NAPA: variants seen among roughly 807,000 people sequenced by gnomAD.
NAPA encodes alpha-soluble NSF attachment protein.
Under a neutral mutation model 48.0 loss-of-function variants are expected in NAPA, and 18 were observed. The ratio of observed to expected loss-of-function variants is 0.38; its 90% CI spans 0.26 to 0.56. NAPA has a LOEUF of 0.56. Among genes scored for constraint, NAPA ranks in the 20% least tolerant of loss-of-function variants. The pLI, the probability that NAPA is intolerant of heterozygous loss-of-function variation, is 0.77. For missense variants in NAPA, 315 were observed against 385.0 expected (o/e 0.82, Z 1.52); for synonymous variants, 152 against 149.9 (o/e 1.01, Z -0.10).
downstream of NAPA, among the ~76,000 whole-genome samples, chr19:47,487,016 G>A (rs1267875961): frequency 6.6e-6 from 1 of 152,178 alleles, no homozygotes; most frequent in African/African-American, 2.4e-5. Flanking sequence ...GGGGCCCTGC[G>A]CGGGGCAGGG....
downstream of NAPA, among the ~76,000 whole-genome samples, chr19:47,486,580 C>T (rs1177366060): frequency 1.3e-5 from 2 of 152,216 alleles, no homozygotes; most frequent in Non-Finnish European, 2.9e-5. Context: ...CGATTACAGG[C>T]ATGAGCCACA....
chr19:47,507,895 G>A (rs1286826128), intron 1 of NAPA, among the ~76,000 whole-genome samples: 2 of 152,196 alleles, frequency 1.3e-5, no homozygotes, highest in Non-Finnish European at 2.9e-5. Context: ...GGCTTGGAAA[G>A]AGGACTGGGG....
chr19:47,510,254 C>A (rs979758769), intron 1 of NAPA, among the ~76,000 whole-genome samples: 1 of 152,198 alleles, frequency 6.6e-6, no homozygotes, highest in Non-Finnish European at 1.5e-5. Context: ...CTGGGCAGGC[C>A]CTGTACAGAC....
At chr19:47,491,062 G>A in intron 8 of NAPA, 2 of 506,038 alleles carry the variant, frequency 4.0e-6, no homozygotes, top group Non-Finnish European at 7.1e-6. Context: ...AGAGATGGCT[G>A]CAGGGAGAGG....
intron 1 of NAPA, among the ~76,000 whole-genome samples, chr19:47,513,189 C>G (rs1268058102): frequency 6.6e-6 from 1 of 152,216 alleles, no homozygotes; most frequent in Non-Finnish European, 1.5e-5. Flanking sequence ...ATGCTCCTCT[C>G]AACCCTACTA....
chr19:47,486,521 G>A (rs977424119), downstream of NAPA, among the ~76,000 whole-genome samples: 2 of 152,040 alleles, frequency 1.3e-5, no homozygotes, highest in Non-Finnish European at 2.9e-5. Context: ...GGCTGCTCTC[G>A]AACTCTTGAC....
chr19:47,500,012 C>G (rs1397145335), intron 3 of NAPA, among the ~76,000 whole-genome samples: 1 of 152,258 alleles, frequency 6.6e-6, no homozygotes, highest in African/African-American at 2.4e-5. Context: ...TGCAAGCAAA[C>G]ACTGGGCTGG....
chr19:47,505,224 C>T (rs1227622823), intron 1 of NAPA: 2 of 152,158 alleles, frequency 1.3e-5, no homozygotes, highest in African/African-American at 4.8e-5. Flanking sequence ...ACTGGCATAA[C>T]TAGTGTTTAG....
Position 47,504,220 on chromosome 19 carries a change from C to G in NAPA, c.99-718G>C, listed in dbSNP as rs767348582. ...ACCAGCCTGGGCCACACGGCAAAACCCCAACTCTACAAAAAATACAAAAAA... is the reference window on the plus strand; with the variant it reads ...ACCAGCCTGGGCCACACGGCAAAACGCCAACTCTACAAAAAATACAAAAAA... On this transcript the variant is annotated intron_variant, in intron 1 of 10. Coordinates refer to ENST00000263354, the MANE Select transcript of NAPA (RefSeq NM_003827.4). Among the ~76,000 whole-genome samples the G allele has an allele frequency of 2.0e-5, 3 of 151,754 alleles. No homozygotes were observed. The East Asian group carries it at 5.8e-4, about 29-fold the overall frequency.
chr19:47,504,397 C>CAAAAAAAA (rs11367620), intron 1 of NAPA, among the ~76,000 whole-genome samples: 7 of 57,188 alleles, frequency 1.2e-4, no homozygotes, highest in African/African-American at 1.9e-4. Flanking sequence ...GACCTTGTCT[C>CAAAAAAAA]AAAAAAAAAA....
chr19:47,496,916 T>C (rs1238331537), intron 3 of NAPA: 1 of 452,178 alleles, frequency 2.2e-6, no homozygotes, highest in Non-Finnish European at 4.5e-6. Flanking sequence ...TAAAAGGGAC[T>C]GAGAGAAGGT....
intron 2 of NAPA, among the ~76,000 whole-genome samples, chr19:47,502,237 CAAAAAAAAAAAAAA>C (rs55762206): frequency 3.2e-5 from 2 of 62,462 alleles, no homozygotes; most frequent in Admixed American, 2.4e-4. Flanking sequence ...AAGACTGTCT[CAAAAAAAAAAAAAA>C]AAAAAAAAAA....
At chr19:47,511,693 C>A (rs1968807426) in intron 1 of NAPA, among the ~76,000 whole-genome samples, 1 of 152,210 alleles carries the variant, frequency 6.6e-6, no homozygotes, top group Non-Finnish European at 1.5e-5. Flanking sequence ...TACTGTGGGG[C>A]TGGGCAAATA....
chr19:47,500,863 C>G, intron 2 of NAPA, 114 bp from the exon 3 acceptor site: 1 of 751,734 alleles, frequency 1.3e-6, no homozygotes, highest in Non-Finnish European at 2.1e-6. Flanking sequence ...GAAAGAGTCC[C>G]CAAGACAGGA....
chr19:47,501,193 C>T (rs1028483101), intron 2 of NAPA, among the ~76,000 whole-genome samples: 4 of 152,134 alleles, frequency 2.6e-5, no homozygotes, highest in Admixed American at 2.6e-4. Flanking sequence ...CCTCCTGCAC[C>T]TCCCGGCCTG....
Position 47,490,733 on chromosome 19 carries a change from C to G in NAPA, c.735+55G>C. 3 of 1,532,232 alleles carry G rather than the reference C, an allele frequency of 2.0e-6. No homozygotes were observed. In the South Asian group the frequency reaches 3.5e-5, roughly 18 times the overall value. 94.9% of individuals were successfully genotyped at this position (1,532,232 alleles called of 1,614,324 possible). ...TTGGCGATTGTCCCACCTGGAGCCC[C>G]AGCCACCCCCGTCTGAGGTTCGGGA... is the stretch of plus-strand genomic sequence containing the variant. On this transcript the variant is annotated intron_variant, in intron 9 of 10. Transcript: ENST00000263354.
At chr19:47,495,327 C>T in intron 4 of NAPA, 1 of 597,296 alleles carries the variant, frequency 1.7e-6, no homozygotes, top group Non-Finnish European at 3.0e-6. Flanking sequence ...AAAACCATGA[C>T]TGCCTGTGGA....
chr19:47,489,919 T>G (rs1283160447), intron 9 of NAPA, among the ~76,000 whole-genome samples, 158 bp from the exon 10 acceptor site: 1 of 152,150 alleles, frequency 6.6e-6, no homozygotes, highest in African/African-American at 2.4e-5. Context: ...TGGGGATGGG[T>G]ACGGGCGTGT....
chr19:47,512,299 C>T (rs1480484999), intron 1 of NAPA, among the ~76,000 whole-genome samples: 1 of 152,130 alleles, frequency 6.6e-6, no homozygotes, highest in Non-Finnish European at 1.5e-5. Flanking sequence ...GGCCCCACTC[C>T]CCAGCAAGTC....
Sources: gnomAD v4.1 joint callset for allele counts (sites outside exome capture counted in the v4.1 genomes callset) on GRCh38, gnomAD v4.1.1 for gene constraint, MANE v1.5 for transcripts, NCBI Gene and HGNC (gene_info 2026-07-23, HGNC 2026-07-21) for gene names.